Variants in CHP2 observed in about 807,000 individuals in gnomAD.
The protein encoded by CHP2 is calcineurin like EF-hand protein 2.
CHP2 carries 31 observed loss-of-function variants against 24.7 expected under a neutral mutation model. The ratio of observed to expected loss-of-function variants is 1.26; its 90% CI spans 0.94 to 1.69. The LOEUF is 1.69. Ranked by LOEUF, CHP2 falls within the 40% of genes most tolerant of loss-of-function variation. CHP2 has a pLI of 0.00. For missense variants in CHP2, 319 were observed against 261.5 expected, an observed-to-expected ratio of 1.22 and a Z score of -1.52; for synonymous variants, 97 against 99.1, an observed-to-expected ratio of 0.98 and a Z score of 0.13.
Position 23,755,947 on chromosome 16 carries a change from G to C in CHP2, c.221+20G>C. 1 of 1,614,130 alleles carries C rather than the reference G, an allele frequency of 6.2e-7. No homozygotes were observed. The highest frequency in any genetic ancestry group is 8.5e-7 in the Non-Finnish European group (1 of 1,179,980). On this transcript the variant is annotated intron_variant, in intron 3 of 6. Coordinates refer to ENST00000300113, the MANE Select transcript of CHP2 (RefSeq NM_022097.4). ...CGATGGGTGAGGCTTGCTGGGCGTGGGGAGGTGAAGGCGGGAAAACCGGTG... is the reference window on the plus strand; with the variant it reads ...CGATGGGTGAGGCTTGCTGGGCGTGCGGAGGTGAAGGCGGGAAAACCGGTG...
chr16:23,755,934 C>T lies in CHP2; in HGVS notation c.221+7C>T. 1 of 1,614,116 alleles carries T rather than the reference C, an allele frequency of 6.2e-7. No individual in the cohort carries two copies. The highest frequency in any genetic ancestry group is 1.1e-5 in the South Asian group (1 of 91,082). ...AAAGCTTCTTCCCCGATGGGTGAGG[C>T]TTGCTGGGCGTGGGGAGGTGAAGGC... On this transcript the variant is annotated splice_region_variant and intron_variant, in intron 3 of 6. Coordinates refer to ENST00000300113, the MANE Select transcript of CHP2 (RefSeq NM_022097.4).
chr16:23,758,918 T>C lies in CHP2; in HGVS notation c.*1335T>C, dbSNP rs1189419137. ...TAGGGAAGAGACGATGTAAAAATAA[T>C]AAACAATATATACCTTCCTAGAGTG... On this transcript the variant is annotated 3_prime_UTR_variant, in exon 7 of 7. Coordinates refer to ENST00000300113, the MANE Select transcript of CHP2 (RefSeq NM_022097.4). 6.6e-6 allele frequency: 1 copy of C among 152,168 alleles called. No individual in the cohort carries two copies. The highest frequency in any genetic ancestry group is 1.5e-5 in the Non-Finnish European group (1 of 68,022). The allele number at this position is 152,168 out of a possible 1,614,324, so 9.4% of individuals were successfully genotyped here. A position where few individuals can be genotyped will look rare whatever the true frequency, so the allele number is the denominator to read the frequency against.
chr16:23,757,966 G>A lies in CHP2; in HGVS notation c.*383G>A, dbSNP rs1052080513. On this transcript the variant is annotated 3_prime_UTR_variant, in exon 7 of 7. Coordinates refer to ENST00000300113, the MANE Select transcript of CHP2 (RefSeq NM_022097.4). ...TTCCTGCAATTAGACGGTCCCATAT[G>A]GGAGTGATGGGAGACAGTGACAGAT... The A allele has an allele frequency of 4.7e-5, 16 of 338,150 alleles. No individual in the cohort carries two copies. Among genetic ancestry groups the A allele is most frequent in the Admixed American group, 2.6e-4 (7 of 27,002 alleles). 20.9% of individuals were successfully genotyped at this position (338,150 alleles called of 1,614,324 possible).
chr16:23,755,680 C>G lies in CHP2; in HGVS notation c.87C>G (p.Leu29=). ...CCGCAGTCTCCCAAGCCAGCCTGCT[C>G]CGCCTGCACCACCGGTTCCGGGCAC... is the stretch of plus-strand genomic sequence containing the variant. ...RETGFSQASL[L]RLHHRFRALD... The change falls in exon 2 of 7, where the codon CTC becomes CTG. Residue 29 remains leucine, a synonymous_variant. Coordinates refer to ENST00000300113, the MANE Select transcript of CHP2 (RefSeq NM_022097.4). The G allele has an allele frequency of 6.2e-7, 1 of 1,614,096 alleles. No homozygotes were observed. The highest frequency in any genetic ancestry group is 8.5e-7 in the Non-Finnish European group (1 of 1,180,014).
At position 23,755,036 on chromosome 16, in the gene CHP2, C is replaced by G; in HGVS notation, c.-14C>G. The G allele has an allele frequency of 6.3e-7, 1 of 1,579,808 alleles. No homozygotes were observed. The highest frequency in any genetic ancestry group is 2.4e-5 in the East Asian group (1 of 42,272). On this transcript the variant is annotated 5_prime_UTR_variant, in exon 1 of 7. Coordinates refer to ENST00000300113, the MANE Select transcript of CHP2 (RefSeq NM_022097.4). ...CCGGGTGGCTGCTCCGGCCCTTCCG[C>G]CTCCAGCTCGGCCATGGGGTCGCGC...
chr16:23,755,478 G>A (rs560199196), intron 1 of CHP2, 183 bp from the exon 2 acceptor site: 4 of 623,254 alleles, frequency 6.4e-6, no homozygotes, highest in South Asian at 5.6e-5. Context: ...TCTTGAACCT[G>A]GATCTTCGCG....
intron 5 of CHP2, 148 bp downstream of exon 5, chr16:23,756,597 GT>G: frequency 1.4e-6 from 1 of 714,278 alleles, no homozygotes; most frequent in South Asian, 1.6e-5. Flanking sequence ...TGCAGTTAGA[GT>G]GTGGGTTTGT....
At chr16:23,757,417 G>C (rs1961241171) in intron 6 of CHP2, 94 bp downstream of exon 6, 8 of 1,583,276 alleles carry the variant, frequency 5.1e-6, no homozygotes, top group Non-Finnish European at 6.9e-6. Flanking sequence ...GGAAAGATAG[G>C]GGTTGCCTGG....
chr16:23,755,183 G>C (rs1002581411), intron 1 of CHP2, 67 bp downstream of exon 1: 52 of 1,231,966 alleles, frequency 4.2e-5, no homozygotes, highest in Admixed American at 2.6e-4. Context: ...GGCTAGGGAA[G>C]GGGTTGGGTT....
intron 1 of CHP2, 66 bp downstream of exon 1, chr16:23,755,182 A>AG: frequency 5.6e-6 from 7 of 1,252,326 alleles, no homozygotes; most frequent in Middle Eastern, 1.9e-4. Flanking sequence ...GGGCTAGGGA[A>AG]GGGGTTGGGT....
chr16:23,756,598 T>C (rs1961229490), intron 5 of CHP2, 149 bp downstream of exon 5: 2 of 712,690 alleles, frequency 2.8e-6, no homozygotes, highest in Admixed American at 2.1e-5. Flanking sequence ...GCAGTTAGAG[T>C]GTGGGTTTGT....
Position 23,757,778 on chromosome 16 carries a change from G to T in CHP2, c.*195G>T. 6.4e-6 allele frequency: 4 copies of T among 621,318 alleles called. No individual in the cohort carries two copies. The South Asian group carries it at 7.6e-5, about 12-fold the overall frequency. The allele number at this position is 621,318 out of a possible 1,614,324, so 38.5% of individuals were successfully genotyped here. On this transcript the variant is annotated 3_prime_UTR_variant, in exon 7 of 7. Transcript: ENST00000300113. Reference sequence around the variant, plus strand: ...CAGTCCCCAACCTTTTTGGCATCAGGGACAGTTTTTCCACGGATGGGTGAC... The same window carrying T: ...CAGTCCCCAACCTTTTTGGCATCAGTGACAGTTTTTCCACGGATGGGTGAC...
Position 23,757,726 on chromosome 16 carries a change from A to T in CHP2, c.*143A>T, listed in dbSNP as rs1961247319. The T allele has an allele frequency of 1.5e-5, 12 of 795,220 alleles. No homozygotes were observed. Among genetic ancestry groups the T allele is most frequent in the South Asian group, 4.4e-5 (3 of 68,818 alleles). 49.3% of individuals were successfully genotyped at this position (795,220 alleles called of 1,614,324 possible). A position where few individuals can be genotyped will look rare whatever the true frequency, so the allele number is the denominator to read the frequency against. ...TTTAGGGCCAAGAGAAGAAAGCTGG[A>T]AGGATGTGTACTAAAGTCTAGCTCA... On this transcript the variant is annotated 3_prime_UTR_variant, in exon 7 of 7. Transcript: ENST00000300113.
Position 23,756,451 on chromosome 16 carries a change from T to A in CHP2, c.414+2T>A, listed in dbSNP as rs1427805953. On this transcript the variant is annotated splice_donor_variant, in intron 5 of 6. Coordinates refer to ENST00000300113, the MANE Select transcript of CHP2 (RefSeq NM_022097.4). LOFTEE classifies it high-confidence loss of function. ...ATCTCCAGGCATGAGATGCTGCAGG[T>A]TGGCAGAAAGCGAGAGCAAGAGATG... 4.3e-6 allele frequency: 7 copies of A among 1,613,378 alleles called. No individual in the cohort carries two copies. Among genetic ancestry groups the A allele is most frequent in the Non-Finnish European group, 5.9e-6 (7 of 1,179,456 alleles).
intron 1 of CHP2, 28 bp from the exon 2 acceptor site, chr16:23,755,633 C>T (rs1169061753): frequency 1.2e-6 from 2 of 1,606,750 alleles, no homozygotes; most frequent in South Asian, 2.2e-5. Flanking sequence ...CAGAGTCACA[C>T]ACCCCCACCC....
chr16:23,757,621 T>C lies in CHP2; in HGVS notation c.*38T>C, dbSNP rs762385078. Reference sequence around the variant, plus strand: ...CTTGGGCTTGCTCCTGCAACCAGTATCTCCTTGGAATTCATCCAAAGCCCC... The same window carrying C: ...CTTGGGCTTGCTCCTGCAACCAGTACCTCCTTGGAATTCATCCAAAGCCCC... On this transcript the variant is annotated 3_prime_UTR_variant, in exon 7 of 7. Transcript: ENST00000300113. 3.2e-6 allele frequency: 5 copies of C among 1,582,354 alleles called. No individual in the cohort carries two copies. Among genetic ancestry groups the C allele is most frequent in the Admixed American group, 1.7e-5 (1 of 59,954 alleles).
chr16:23,757,670 A>G lies in CHP2; in HGVS notation c.*87A>G. 1.8e-6 allele frequency: 2 copies of G among 1,141,678 alleles called. No individual in the cohort carries two copies. Among genetic ancestry groups the G allele is most frequent in the Non-Finnish European group, 2.7e-6 (2 of 749,034 alleles). 70.7% of individuals were successfully genotyped at this position (1,141,678 alleles called of 1,614,324 possible). ...CCCATGGACGCATGGACGCAGGGCGACAATAAACTGTATTTTCGTTTCTAA... is the reference window on the plus strand; with the variant it reads ...CCCATGGACGCATGGACGCAGGGCGGCAATAAACTGTATTTTCGTTTCTAA... On this transcript the variant is annotated 3_prime_UTR_variant, in exon 7 of 7. Transcript: ENST00000300113.
At chr16:23,757,481 T>G (rs80950) in intron 6 of CHP2, 49 bp from the exon 7 acceptor site, 1,106,919 of 1,600,076 alleles carry the variant, frequency 0.69, 386,339 homozygotes, top group East Asian at 0.89. Context: ...GTTGGGAGCA[T>G]GGAGAGCTGA....
In CHP2 at chr16:23,756,410, G is replaced by A. The variant is rs1461461593; in HGVS notation, c.375G>A (p.Leu125=). 1.9e-6 allele frequency: 3 copies of A among 1,613,872 alleles called. No homozygotes were observed. The highest frequency in any genetic ancestry group is 2.5e-6 in the Non-Finnish European group (3 of 1,179,968). ...CAGATGCATTTCAGCTCTATGACCT[G>A]GATCGCGATGGGAAGATCTCCAGGC... ...KLHYAFQLYD[L]DRDGKISRHE... is the part of the protein sequence containing the mutation. Residue 125 remains leucine, a synonymous_variant, in exon 5 of 7, where the codon CTG becomes CTA. Transcript: ENST00000300113.
Sources: gnomAD v4.1 joint callset for allele counts on GRCh38, gnomAD v4.1.1 for gene constraint, MANE v1.5 for transcripts, NCBI Gene and HGNC (gene_info 2026-07-23, HGNC 2026-07-21) for gene names.